SCMH1: variants seen among roughly 807,000 people sequenced by gnomAD.
SCMH1 encodes the protein Scm polycomb group protein homolog 1, also known as polycomb protein SCMH1.
In SCMH1, 37 loss-of-function variants were observed where a neutral mutation model predicts 70.8. The ratio of observed to expected loss-of-function variants is 0.52; its 90% CI spans 0.40 to 0.69. The LOEUF (loss-of-function observed/expected upper bound fraction) is 0.69, where lower values mean the gene tolerates loss of function less well. Among genes scored for constraint, SCMH1 ranks in the 30% least tolerant of loss-of-function variants. The probability of loss-of-function intolerance (pLI) is 0.00; values close to 1 mark genes in which losing one functional copy is unlikely to be tolerated. For missense variants in SCMH1, 607 were observed against 827.3 expected, an observed-to-expected ratio of 0.73 and a Z score of 3.27; for synonymous variants, 292 against 307.4, an observed-to-expected ratio of 0.95 and a Z score of 0.52.
chr1:41,050,301 T>C (rs1647614294), intron 10 of SCMH1, among the ~76,000 whole-genome samples: 1 of 152,190 alleles, frequency 6.6e-6, no homozygotes, highest in Admixed American at 6.5e-5. Flanking sequence ...TTCTTTCTTG[T>C]GTGGTTGTGG....
At chr1:41,031,690 C>A (rs1293116413) in intron 13 of SCMH1, among the ~76,000 whole-genome samples, 1 of 152,108 alleles carries the variant, frequency 6.6e-6, no homozygotes, top group Non-Finnish European at 1.5e-5. Context: ...AAGAGAGAAA[C>A]CAAGTGCAGA....
At chr1:41,174,052 T>C (rs1172954968) in intron 2 of SCMH1, among the ~76,000 whole-genome samples, 1 of 152,182 alleles carries the variant, frequency 6.6e-6, no homozygotes, top group Non-Finnish European at 1.5e-5. Flanking sequence ...TGAGAACTTA[T>C]TATGTATTTT....
At chr1:41,238,510 C>T (rs941160338) in intron 1 of SCMH1, among the ~76,000 whole-genome samples, 1 of 152,186 alleles carries the variant, frequency 6.6e-6, no homozygotes, top group African/African-American at 2.4e-5. Context: ...TAACTCTCTA[C>T]CCCACCTCCT....
intron 13 of SCMH1, 39 bp downstream of exon 13, chr1:41,037,323 T>TGAGGGAGGGAAGG: frequency 6.3e-7 from 1 of 1,586,622 alleles, no homozygotes; most frequent in Non-Finnish European, 8.6e-7. Context: ...AAGGAAAGAG[T>TGAGGGAGGGAAGG]GAGGGAGGGA....
intron 2 of SCMH1, among the ~76,000 whole-genome samples, chr1:41,178,311 T>C (rs200179065): frequency 2.0e-5 from 3 of 152,134 alleles, no homozygotes; most frequent in Admixed American, 6.5e-5. Flanking sequence ...CCATCGAGGC[T>C]AGGAAGAAAC....
intron 1 of SCMH1, among the ~76,000 whole-genome samples, chr1:41,189,144 T>G (rs1009079425): frequency 3.9e-5 from 6 of 152,130 alleles, no homozygotes; most frequent in African/African-American, 1.4e-4. Flanking sequence ...AAGTTTTTTT[T>G]GTTGTTGTTG....
intron 13 of SCMH1, among the ~76,000 whole-genome samples, chr1:41,029,094 T>C (rs1644149843): frequency 6.6e-6 from 1 of 152,128 alleles, no homozygotes; most frequent in Admixed American, 6.5e-5. Flanking sequence ...GAGAGACTGG[T>C]AGCCTGGTAA....
intron 11 of SCMH1, among the ~76,000 whole-genome samples, chr1:41,047,710 GTCT>G (rs1647032096): frequency 6.6e-6 from 1 of 151,964 alleles, no homozygotes; most frequent in African/African-American, 2.4e-5. Flanking sequence ...CCAATTCCTA[GTCT>G]TCTATAAAAA....
intron 6 of SCMH1, among the ~76,000 whole-genome samples, chr1:41,131,942 CT>C (rs1015961127): frequency 5.9e-5 from 9 of 152,110 alleles, no homozygotes; most frequent in Admixed American, 5.9e-4. Context: ...TTTATCCAGT[CT>C]ATTATTGATG....
At chr1:41,116,490 T>C (rs769937373) in intron 7 of SCMH1, among the ~76,000 whole-genome samples, 7 of 152,332 alleles carry the variant, frequency 4.6e-5, no homozygotes, top group East Asian at 1.9e-4. Context: ...TCTTAGTTCA[T>C]AAAGTTAGCT....
intron 1 of SCMH1, among the ~76,000 whole-genome samples, chr1:41,211,884 G>C (rs1657108852): frequency 6.6e-6 from 1 of 152,156 alleles, no homozygotes; most frequent in Non-Finnish European, 1.5e-5. Flanking sequence ...AATGAAGCTG[G>C]AAACCATAAT....
intron 9 of SCMH1, among the ~76,000 whole-genome samples, chr1:41,074,815 G>C (rs1357635219): frequency 1.3e-5 from 2 of 152,190 alleles, no homozygotes; most frequent in South Asian, 2.1e-4. Flanking sequence ...AAGAGGGCCA[G>C]ATGTGCCCCT....
chr1:41,046,512 G>A, exon 12 of SCMH1: 1 of 1,614,208 alleles, frequency 6.2e-7, no homozygotes, highest in Non-Finnish European at 8.5e-7. Flanking sequence ...CGAAGGTTGT[G>A]GCAGAGTTTC....
chr1:41,089,787 C>CTTTTTTTTTTTTTTTTTTTTTTTT lies in SCMH1; in HGVS notation c.746-14337_746-14336insAAAAAAAAAAAAAAAAAAAAAAAA, dbSNP rs373229472. 6.8e-4 allele frequency among the ~76,000 whole-genome samples: 40 copies of CTTTTTTTTTTTTTTTTTTTTTTTT among 58,750 alleles called. 12 individuals are homozygous for CTTTTTTTTTTTTTTTTTTTTTTTT. Among genetic ancestry groups the CTTTTTTTTTTTTTTTTTTTTTTTT allele is most frequent in the African/African-American group, 1.6e-3 (22 of 13,598 alleles). 38.5% of individuals were successfully genotyped at this position (58,750 alleles called of 152,430 possible). ...TTATTCCACTCTAACCATGTTGTCT[C>CTTTTTTTTTTTTTTTTTTTTTTTT]TTTTTTTTTTTTTTTTTTTTTTGAG... is the stretch of plus-strand genomic sequence containing the variant. On this transcript the variant is annotated intron_variant, in intron 8 of 14. Coordinates refer to ENST00000337495, the Ensembl canonical transcript of SCMH1.
At position 41,034,590 on chromosome 1, in the gene SCMH1, G is replaced by C. The variant is rs527872503; in HGVS notation, c.1678+2772C>G. On this transcript the variant is annotated intron_variant, in intron 13 of 14. Coordinates refer to ENST00000337495, the Ensembl canonical transcript of SCMH1. ...GATCCACCCTCCTCGGCCTCCCAAA[G>C]TGCTGGGATTACAGGCATAAGCCAC... is the stretch of plus-strand genomic sequence containing the variant. Among the ~76,000 whole-genome samples, 14 of 152,274 alleles carry C rather than the reference G, an allele frequency of 9.2e-5. No homozygotes were observed. The South Asian group carries it at 2.7e-3, about 29-fold the overall frequency.
chr1:41,176,942 A>G (rs1647193201), intron 2 of SCMH1, among the ~76,000 whole-genome samples: 1 of 152,190 alleles, frequency 6.6e-6, no homozygotes, highest in Non-Finnish European at 1.5e-5. Flanking sequence ...GAATGGACAG[A>G]CTGCCTCCTC....
chr1:41,088,513 C>G (rs890381065), intron 8 of SCMH1, among the ~76,000 whole-genome samples: 4 of 152,078 alleles, frequency 2.6e-5, no homozygotes, highest in African/African-American at 7.2e-5. Flanking sequence ...TGTCACCTAG[C>G]CTGGTGTGCA....
chr1:41,150,251 C>T (rs1474681429), intron 5 of SCMH1, among the ~76,000 whole-genome samples: 1 of 152,160 alleles, frequency 6.6e-6, no homozygotes, highest in Non-Finnish European at 1.5e-5. Context: ...ACCTGTAATC[C>T]CACCACTTTG....
intron 6 of SCMH1, 101 bp from the exon 7 acceptor site, chr1:41,117,111 C>T: frequency 1.4e-6 from 1 of 721,096 alleles, no homozygotes; most frequent in Non-Finnish European, 2.2e-6. Flanking sequence ...AGACCGAGGG[C>T]ACGAGCTCTT....
Sources: allele counts gnomAD v4.1 joint callset (sites outside exome capture counted in the v4.1 genomes callset), GRCh38; gene constraint gnomAD v4.1.1; transcripts MANE v1.5; gene names NCBI Gene and HGNC (gene_info 2026-07-23, HGNC 2026-07-21).